Variants in LARGE1 observed in about 807,000 individuals in gnomAD.
LARGE1 encodes the protein xylosyl- and glucuronyltransferase LARGE1.
A neutral mutation model predicts 87.6 loss-of-function variants in LARGE1; 43 were observed. The ratio of observed to expected loss-of-function variants is 0.49; its 90% CI spans 0.38 to 0.63. The LOEUF (loss-of-function observed/expected upper bound fraction) is 0.63, where lower values mean the gene tolerates loss of function less well. LARGE1 is among the 30% of genes least tolerant of loss of function. The probability of loss-of-function intolerance (pLI) is 0.00; values close to 1 mark genes in which losing one functional copy is unlikely to be tolerated. For missense variants in LARGE1, 802 were observed against 1,000.2 expected (o/e 0.80, Z 2.67); for synonymous variants, 434 against 394.6 (o/e 1.10, Z -1.18).
chr22:33,382,265 AGCTCCAGAGTCCT>A (rs1221391114), intron 8 of LARGE1, among the ~76,000 whole-genome samples: 1 of 152,116 alleles, frequency 6.6e-6, no homozygotes, highest in Non-Finnish European at 1.5e-5. Context: ...GCTGACTGGA[AGCTCCAGAGTCCT>A]GCTGGTCTCA....
At chr22:33,476,767 T>G (rs2069098434) in intron 6 of LARGE1, among the ~76,000 whole-genome samples, 1 of 152,026 alleles carries the variant, frequency 6.6e-6, no homozygotes, top group Non-Finnish European at 1.5e-5. Flanking sequence ...AGGTATACAT[T>G]CATGACCAGA....
At chr22:33,465,228 G>C (rs1388664282) in intron 6 of LARGE1, among the ~76,000 whole-genome samples, 1 of 152,210 alleles carries the variant, frequency 6.6e-6, no homozygotes, top group Non-Finnish European at 1.5e-5. Context: ...TGCTTCCACT[G>C]TATAAAGCTA....
At chr22:33,561,575 CA>C (rs2077863560) in intron 6 of LARGE1, among the ~76,000 whole-genome samples, 2 of 152,292 alleles carry the variant, frequency 1.3e-5, no homozygotes, top group South Asian at 4.1e-4. Flanking sequence ...ACGGGCTCAC[CA>C]AACAGTCTTA....
chr22:33,697,866 G>A (rs185637934), intron 2 of LARGE1, among the ~76,000 whole-genome samples: 12 of 152,130 alleles, frequency 7.9e-5, no homozygotes, highest in Admixed American at 2.0e-4. Flanking sequence ...GAGTTAAACC[G>A]CTGCTCAGGA....
chr22:33,707,429 T>TAAC (rs2082595297), intron 2 of LARGE1, among the ~76,000 whole-genome samples: 1 of 152,226 alleles, frequency 6.6e-6, no homozygotes, highest in African/African-American at 2.4e-5. Context: ...CTCAAGGTGT[T>TAAC]AACAGCTGGA....
At position 33,680,412 on chromosome 22, in the gene LARGE1, A is replaced by G. The variant is rs546373710; in HGVS notation, c.107-29744T>C. Reference sequence around the variant, plus strand: ...TACAATAACTACTGACAGAGAGCAGATCTCACTCTATCCATATCAAACCTT... The same window carrying G: ...TACAATAACTACTGACAGAGAGCAGGTCTCACTCTATCCATATCAAACCTT... On this transcript the variant is annotated intron_variant, in intron 2 of 14. Transcript: ENST00000397394. Among the ~76,000 whole-genome samples the G allele has an allele frequency of 2.0e-5, 3 of 150,046 alleles. No homozygotes were observed. The South Asian group carries it at 6.7e-4, about 34-fold the overall frequency.
chr22:33,794,721 G>C (rs2085928501), intron 1 of LARGE1, among the ~76,000 whole-genome samples: 1 of 151,934 alleles, frequency 6.6e-6, no homozygotes, highest in African/African-American at 2.4e-5. Context: ...CCGGGTTCAA[G>C]CAATTCTCCT....
chr22:33,356,540 G>A (rs1164281197), intron 9 of LARGE1, among the ~76,000 whole-genome samples: 1 of 152,242 alleles, frequency 6.6e-6, no homozygotes, highest in African/African-American at 2.4e-5. Flanking sequence ...GGGAGGCTGA[G>A]GTGGGCGGAT....
chr22:33,323,728 C>CT (rs1936965191), intron 10 of LARGE1, among the ~76,000 whole-genome samples: 1 of 152,222 alleles, frequency 6.6e-6, no homozygotes, highest in African/African-American at 2.4e-5. Flanking sequence ...TTATTGGCTT[C>CT]TTAAACTTTT....
At chr22:33,744,145 T>C (rs2083993054) in intron 2 of LARGE1, 1 of 152,226 alleles carries the variant, frequency 6.6e-6, no homozygotes, top group South Asian at 2.1e-4. Context: ...AGTTTATCAA[T>C]ACATGATCTC....
chr22:33,389,286 G>A (rs1241844327), intron 7 of LARGE1, among the ~76,000 whole-genome samples: 1 of 152,262 alleles, frequency 6.6e-6, no homozygotes, highest in African/African-American at 2.4e-5. Flanking sequence ...ACACAGGTGC[G>A]TTCCAACCAT....
In LARGE1 at chr22:33,311,046, C is replaced by T. The variant is rs577408709; in HGVS notation, c.1451+5039G>A. On this transcript the variant is annotated intron_variant, in intron 11 of 14. Coordinates refer to ENST00000397394, the MANE Select transcript of LARGE1 (RefSeq NM_133642.5). ...CACGATCTCAGCTCACTGCAAGCTC[C>T]GCCTCCCGGGTTCACACCATTCTTC... Among the ~76,000 whole-genome samples the T allele has an allele frequency of 7.9e-5, 12 of 152,038 alleles. 1 individual carries two copies. In the East Asian group the frequency reaches 2.3e-3, roughly 29 times the overall value.
At chr22:33,115,454 A>G in the LARGE1 span, among the ~76,000 whole-genome samples, 2 of 118,150 alleles carry the variant, frequency 1.7e-5, no homozygotes, top group Non-Finnish European at 3.2e-5. Flanking sequence ...CCTCTCAAAG[A>G]AAAAAAAAAA....
intron 1 of LARGE1, among the ~76,000 whole-genome samples, chr22:33,789,094 G>C (rs2085739936): frequency 6.6e-6 from 1 of 152,200 alleles, no homozygotes; most frequent in Non-Finnish European, 1.5e-5. Context: ...CACATCACAG[G>C]CTTGGAGGCC....
intron 3 of LARGE1, among the ~76,000 whole-genome samples, chr22:33,630,098 C>T (rs111817452): frequency 0.018 from 2,691 of 152,156 alleles, 80 homozygotes; most frequent in African/African-American, 0.062. Context: ...ACTCAGGAGG[C>T]TGAGGCAGGA....
intron 7 of LARGE1, among the ~76,000 whole-genome samples, chr22:33,427,233 T>G (rs2066910522): frequency 6.6e-6 from 1 of 152,196 alleles, no homozygotes; most frequent in African/African-American, 2.4e-5. Flanking sequence ...CTGACCCGTT[T>G]CTGTGCAAGA....
chr22:33,326,669 CAAGT>C, intron 10 of LARGE1, among the ~76,000 whole-genome samples: 2 of 152,188 alleles, frequency 1.3e-5, no homozygotes, highest in South Asian at 4.2e-4. Flanking sequence ...ATCTACTGCA[CAAGT>C]AAGAGATGCC....
intron 4 of LARGE1, among the ~76,000 whole-genome samples, chr22:33,622,403 G>A (rs533896300): frequency 6.6e-6 from 1 of 152,264 alleles, no homozygotes; most frequent in African/African-American, 2.4e-5. Flanking sequence ...AGTTTCCTGA[G>A]GCTTCCCCAG....
rs570619756 is a variant in LARGE1, at chr22:33,803,802, G to A, written c.-82-42244C>T. On this transcript the variant is annotated intron_variant, in intron 1 of 14. Coordinates refer to ENST00000397394, the MANE Select transcript of LARGE1 (RefSeq NM_133642.5). ...GTTCCGTGCCTAGGGTTTTCACCCAGGACTGGTTAGGCAGGCATCCAAAAT... is the reference window on the plus strand; with the variant it reads ...GTTCCGTGCCTAGGGTTTTCACCCAAGACTGGTTAGGCAGGCATCCAAAAT... Among the ~76,000 whole-genome samples the A allele has an allele frequency of 1.6e-4, 25 of 152,314 alleles. No individual in the cohort carries two copies. The South Asian group carries it at 4.8e-3, about 29-fold the overall frequency.
Sources: gnomAD v4.1 joint callset for allele counts (sites outside exome capture counted in the v4.1 genomes callset) on GRCh38, gnomAD v4.1.1 for gene constraint, MANE v1.5 for transcripts, NCBI Gene and HGNC (gene_info 2026-07-23, HGNC 2026-07-21) for gene names.